Variants in TCERG1 observed in about 807,000 individuals in gnomAD.
TCERG1 encodes the protein TATA box binding protein (TBP)-associated factor, RNA polymerase II, S, 150kD.
Under a neutral mutation model 144.7 loss-of-function variants are expected in TCERG1, and 37 were observed. That is an observed-to-expected ratio of 0.26 (90% confidence interval 0.20 to 0.34). The LOEUF (loss-of-function observed/expected upper bound fraction) is 0.34, where lower values mean the gene tolerates loss of function less well. Ranked by LOEUF, TCERG1 falls within the 10% of genes least tolerant of loss-of-function variation. The pLI, the probability that TCERG1 is intolerant of heterozygous loss-of-function variation, is 1.00. For missense variants in TCERG1, 1,027 were observed against 1,380.7 expected (o/e 0.74, Z 4.06); for synonymous variants, 492 against 458.2 (o/e 1.07, Z -0.94).
chr5:146,459,018 TCAGGCCCAGGCG>T lies in TCERG1; in HGVS notation c.579_590del (p.Ala239_Gln242del). The T allele has an allele frequency of 3.1e-6, 5 of 1,612,952 alleles. No individual in the cohort carries two copies. Among genetic ancestry groups the T allele is most frequent in the African/African-American group, 2.7e-5 (2 of 74,690 alleles). On this transcript the variant is annotated inframe_deletion, in exon 4 of 23. Coordinates refer to ENST00000679501, the MANE Select transcript of TCERG1 (RefSeq NM_001382548.1). Reference sequence around the variant, plus strand: ...TTCAGGCTCAGGCCCAGGCGCAGGCTCAGGCCCAGGCGCAGGCTCAGGCCCAGGCACAAGCTC... The same window carrying T: ...TTCAGGCTCAGGCCCAGGCGCAGGCTCAGGCTCAGGCCCAGGCACAAGCTC...
In TCERG1 at chr5:146,469,807, A is replaced by G. The variant is rs920452020; in HGVS notation, c.1399+63A>G. On this transcript the variant is annotated intron_variant, in intron 7 of 22. Transcript: ENST00000679501. ...ACTGTAATAAGTAGAATGGTATTTG[A>G]AATTCTGAGTTAATTTCTTTTTAAC... 1.1e-5 allele frequency: 13 copies of G among 1,153,060 alleles called. No homozygotes were observed. The African/African-American group carries it at 1.9e-4, about 17-fold the overall frequency. 71.4% of individuals were successfully genotyped at this position (1,153,060 alleles called of 1,614,324 possible). A position where few individuals can be genotyped will look rare whatever the true frequency, so the allele number is the denominator to read the frequency against.
chr5:146,470,787 A>G lies in TCERG1; in HGVS notation c.1512+39A>G, dbSNP rs567556780. The stretch of plus-strand genomic sequence containing the variant: ...ACCTGTTAACCTGGGAGCCACATTA[A>G]TTGTTTCCTACAGCTTACTTGTATC... On this transcript the variant is annotated intron_variant, in intron 8 of 22. Coordinates refer to ENST00000679501, the MANE Select transcript of TCERG1 (RefSeq NM_001382548.1). The G allele has an allele frequency of 8.3e-6, 12 of 1,449,776 alleles. No homozygotes were observed. The South Asian group carries it at 1.1e-4, about 13-fold the overall frequency. 89.8% of individuals were successfully genotyped at this position (1,449,776 alleles called of 1,614,324 possible).
At chr5:146,483,691 T>A in intron 15 of TCERG1, 62 bp downstream of exon 15, 1 of 1,353,844 alleles carries the variant, frequency 7.4e-7, no homozygotes, top group Non-Finnish European at 1.0e-6. Flanking sequence ...TTTTAAATTA[T>A]AAGGAATAAA....
chr5:146,483,515 G>A, intron 14 of TCERG1, 25 bp from the exon 15 acceptor site: 1 of 1,592,730 alleles, frequency 6.3e-7, no homozygotes, highest in Non-Finnish European at 8.6e-7. Flanking sequence ...ACTTAATTAT[G>A]AGGCAATACG....
intron 15 of TCERG1, among the ~76,000 whole-genome samples, chr5:146,484,873 A>G (rs1765686384): frequency 6.6e-6 from 1 of 152,140 alleles, no homozygotes; most frequent in Non-Finnish European, 1.5e-5. Context: ...AACAACCCTT[A>G]TCATCTGTGT....
At chr5:146,463,830 T>A (rs1215728153) in intron 5 of TCERG1, 37 bp downstream of exon 5, 1 of 1,612,220 alleles carries the variant, frequency 6.2e-7, no homozygotes. Flanking sequence ...TCCAGCTATG[T>A]TTTCATATTG....
chr5:146,455,366 A>C (rs1406836375), intron 2 of TCERG1, 85 bp downstream of exon 2: 1 of 1,446,696 alleles, frequency 6.9e-7, no homozygotes, highest in Non-Finnish European at 9.4e-7. Context: ...TTACATTCTT[A>C]AATAGTTTCA....
chr5:146,460,425 G>C (rs1255522175), intron 4 of TCERG1, among the ~76,000 whole-genome samples: 1 of 91,488 alleles, frequency 1.1e-5, no homozygotes, highest in East Asian at 2.1e-4. Flanking sequence ...CTTAAATAAT[G>C]ATTTTTTTAT....
Position 146,507,109 on chromosome 5 carries a change from G to A in TCERG1, c.2863G>A (p.Glu955Lys). 6.2e-7 allele frequency: 1 copy of A among 1,613,682 alleles called. No homozygotes were observed. The highest frequency in any genetic ancestry group is 8.5e-7 in the Non-Finnish European group (1 of 1,179,814). Reference sequence around the variant, plus strand: ...CCGCTGGGAATCTGGATCCTTATTGGAAAGAGAGGAGAAAGAGAAGCTTTT... The same window carrying A: ...CCGCTGGGAATCTGGATCCTTATTGAAAAGAGAGGAGAAAGAGAAGCTTTT... ...DHRWESGSLL[E>K]REEKEKLFNE... The change falls in exon 20 of 23, where the codon GAA (glutamate) becomes AAA (lysine). Residue 955 changes from glutamate to lysine, a missense_variant. Physicochemically the swap from Glu to Lys is moderately conservative, Grantham distance 56. This residue lies in a region of TCERG1 where 133 missense variants were observed against 283.2 expected (regional missense o/e 0.47). Coordinates refer to ENST00000679501, the MANE Select transcript of TCERG1 (RefSeq NM_001382548.1). This position sits in a 1 kb window ranked among gnomAD's most constrained non-coding sequence, Gnocchi z 4.6.
intron 22 of TCERG1, 51 bp downstream of exon 22, chr5:146,509,296 TTACTC>T (rs760484146): frequency 5.7e-6 from 7 of 1,223,154 alleles, no homozygotes; most frequent in East Asian, 4.7e-5. Flanking sequence ...TTACTAGTCT[TTACTC>T]TAATGGTCAG....
At chr5:146,480,145 G>A (rs780729833) in intron 12 of TCERG1, 51 bp downstream of exon 12, 25 of 1,401,980 alleles carry the variant, frequency 1.8e-5, no homozygotes, top group South Asian at 8.1e-5. Flanking sequence ...TTTAAAAGTC[G>A]ATTTGGTAAT....
chr5:146,470,340 A>G (rs2150387864), intron 7 of TCERG1, among the ~76,000 whole-genome samples: 1 of 152,304 alleles, frequency 6.6e-6, no homozygotes, highest in East Asian at 1.9e-4. Context: ...GTATCTTAGT[A>G]TCTTATCCCT....
intron 9 of TCERG1, among the ~76,000 whole-genome samples, chr5:146,473,242 C>T (rs972475073): frequency 6.6e-6 from 1 of 152,166 alleles, no homozygotes; most frequent in Non-Finnish European, 1.5e-5. Flanking sequence ...AAACCAGCTA[C>T]AACATTTCAT....
chr5:146,503,350 T>C, intron 17 of TCERG1, 25 bp from the exon 18 acceptor site: 1 of 1,603,500 alleles, frequency 6.2e-7, no homozygotes, highest in Admixed American at 1.7e-5. Flanking sequence ...TTCCCTCCCA[T>C]CCCACTACCT....
At chr5:146,492,662 A>G (rs976355175) in intron 15 of TCERG1, among the ~76,000 whole-genome samples, 1 of 152,156 alleles carries the variant, frequency 6.6e-6, no homozygotes, top group East Asian at 1.9e-4. Context: ...ATAATCATGT[A>G]TTTATAATCG....
chr5:146,467,189 T>A (rs537308724), intron 5 of TCERG1, among the ~76,000 whole-genome samples: 1 of 152,262 alleles, frequency 6.6e-6, no homozygotes, highest in South Asian at 2.1e-4. Flanking sequence ...TTGACACTAT[T>A]TTTGTTTGCT....
In TCERG1 at chr5:146,457,305, A is replaced by G; in HGVS notation, c.408A>G (p.Ile136Met). 6.2e-7 allele frequency: 1 copy of G among 1,611,692 alleles called. No individual in the cohort carries two copies. The highest frequency in any genetic ancestry group is 1.1e-5 in the South Asian group (1 of 90,536). Residue 136 changes from isoleucine (I) to methionine (M), a missense_variant, in exon 3 of 23, where the codon ATA (isoleucine) becomes ATG (methionine). Physicochemically the swap from Ile to Met is conservative, Grantham distance 10. Around this residue, in one of 6 missense-constraint regions of TCERG1, gnomAD observed 175 missense variants for 197.0 expected, o/e 0.89. Coordinates refer to ENST00000679501, the MANE Select transcript of TCERG1 (RefSeq NM_001382548.1). ...GTPALPPTEE[I>M]WVENKTPDGK... ...CAGCACTACCTCCTACGGAGGAGAT[A>G]TGGGTTGAAAATAAAACTCCAGATG...
intron 10 of TCERG1, among the ~76,000 whole-genome samples, chr5:146,479,167 C>G (rs1339133020): frequency 6.6e-6 from 1 of 151,968 alleles, no homozygotes; most frequent in East Asian, 1.9e-4. Flanking sequence ...ATATTGAGTA[C>G]AGATATTTGT....
intron 18 of TCERG1, 121 bp from the exon 19 acceptor site, chr5:146,503,703 G>T: frequency 7.3e-7 from 1 of 1,362,718 alleles, no homozygotes; most frequent in South Asian, 1.5e-5. Flanking sequence ...GGTACACAGT[G>T]TTTAGGTATA....
Sources: gnomAD v4.1 joint callset for allele counts (sites outside exome capture counted in the v4.1 genomes callset) on GRCh38, gnomAD v4.1.1 for gene constraint, gnomAD v4.1.1 regional missense constraint, Gnocchi (gnomAD v3.1) non-coding constraint, MANE v1.5 for transcripts, NCBI Gene and HGNC (gene_info 2026-07-23, HGNC 2026-07-21) for gene names.